The following CARMIL1 variants were observed in gnomAD, a reference collection of about 807,000 sequenced individuals.
CARMIL1 encodes the protein capping protein regulator and myosin 1 linker 1.
A neutral mutation model predicts 177.1 loss-of-function variants in CARMIL1; 90 were observed. That is an observed-to-expected ratio of 0.51 (90% CI 0.43 to 0.61). The LOEUF (loss-of-function observed/expected upper bound fraction) is 0.61, where lower values mean the gene tolerates loss of function less well. Ranked by LOEUF, CARMIL1 falls within the 20% of genes least tolerant of loss-of-function variation. The pLI, the probability that CARMIL1 is intolerant of heterozygous loss-of-function variation, is 0.00. For synonymous variants in CARMIL1, 577 were observed against 606.2 expected, an observed-to-expected ratio of 0.95 and a Z score of 0.71; for missense variants, 1,380 against 1,667.0, an observed-to-expected ratio of 0.83 and a Z score of 3.00.
At chr6:25,291,864 C>T (rs531305692) in intron 2 of CARMIL1, among the ~76,000 whole-genome samples, 9 of 152,298 alleles carry the variant, frequency 5.9e-5, no homozygotes, top group Non-Finnish European at 7.3e-5. Context: ...ACACATATCA[C>T]AGTTTTTAAA....
In CARMIL1 at chr6:25,606,283, T is replaced by C. The variant is rs1367419278; in HGVS notation, c.3847+10T>C. The C allele has an allele frequency of 1.9e-6, 3 of 1,611,228 alleles. No individual in the cohort carries two copies. Among genetic ancestry groups the C allele is most frequent in the Non-Finnish European group, 2.5e-6 (3 of 1,179,034 alleles). On this transcript the variant is annotated intron_variant, in intron 35 of 36. Coordinates refer to ENST00000329474, the MANE Select transcript of CARMIL1 (RefSeq NM_017640.6). ...ACCGCCTCACGGCCTGGTAAGAGTT[T>C]TGCAGTTAGGGAGTTGCATTGTGAC...
At chr6:25,333,870 T>G (rs1289443607) in intron 2 of CARMIL1, among the ~76,000 whole-genome samples, 1 of 152,226 alleles carries the variant, frequency 6.6e-6, no homozygotes, top group Non-Finnish European at 1.5e-5. Context: ...TTTCTTCTCC[T>G]AGTATTTTAA....
At chr6:25,334,729 C>T (rs1027087962) in intron 2 of CARMIL1, among the ~76,000 whole-genome samples, 1 of 152,018 alleles carries the variant, frequency 6.6e-6, no homozygotes, top group African/African-American at 2.4e-5. Flanking sequence ...TGAGATGAAC[C>T]TTTAACAGCA....
At chr6:25,442,622 A>C in intron 5 of CARMIL1, among the ~76,000 whole-genome samples, 1 of 150,164 alleles carries the variant, frequency 6.7e-6, no homozygotes, top group African/African-American at 2.5e-5. Context: ...GTTAGCATAG[A>C]TAAGAAACAG....
chr6:25,610,634 G>A (rs969358191), intron 36 of CARMIL1, among the ~76,000 whole-genome samples: 3 of 152,166 alleles, frequency 2.0e-5, no homozygotes, highest in African/African-American at 4.8e-5. Flanking sequence ...CACTGTGCTC[G>A]CTCAGTCACA....
chr6:25,531,811 C>G (rs1807786205), intron 24 of CARMIL1, among the ~76,000 whole-genome samples: 1 of 152,182 alleles, frequency 6.6e-6, no homozygotes, highest in African/African-American at 2.4e-5. Context: ...CACTCTGTCG[C>G]CCAGGCTGGA....
In CARMIL1 at chr6:25,490,698, AAAATAAATAAATAAAT is replaced by A. The variant is rs199709831; in HGVS notation, c.1066-994_1066-979del. ...GGGCGATAGAGCCAGACCCTGTCTT[AAAATAAATAAATAAAT>A]AAATAAATAAATAAATAAATAAATA... On this transcript the variant is annotated intron_variant, in intron 13 of 36. Coordinates refer to ENST00000329474, the MANE Select transcript of CARMIL1 (RefSeq NM_017640.6). Among the ~76,000 whole-genome samples the A allele has an allele frequency of 1.0e-3, 125 of 125,056 alleles. 2 individuals are homozygous for A. The highest frequency in any genetic ancestry group is 4.0e-3 in the Middle Eastern group (1 of 248). The allele number at this position is 125,056 out of a possible 152,430, so 82.0% of individuals were successfully genotyped here.
chr6:25,316,502 C>G (rs773215165), intron 2 of CARMIL1, among the ~76,000 whole-genome samples: 1 of 151,604 alleles, frequency 6.6e-6, no homozygotes, highest in Non-Finnish European at 1.5e-5. Context: ...ACCTCCATCT[C>G]GCGGGTTCAA....
intron 23 of CARMIL1, among the ~76,000 whole-genome samples, chr6:25,526,043 T>C (rs970147302): frequency 3.3e-5 from 5 of 151,856 alleles, no homozygotes; most frequent in East Asian, 3.9e-4. Context: ...GGCGTGGTGG[T>C]TAATGCCTGT....
intron 8 of CARMIL1, among the ~76,000 whole-genome samples, chr6:25,460,563 G>A (rs1004526923): frequency 7.9e-5 from 12 of 152,114 alleles, no homozygotes; most frequent in Non-Finnish European, 5.9e-5. Flanking sequence ...GTTTGCTGAA[G>A]TACTTCCTAG....
At chr6:25,302,108 C>G (rs1782902577) in intron 2 of CARMIL1, among the ~76,000 whole-genome samples, 1 of 152,102 alleles carries the variant, frequency 6.6e-6, no homozygotes, top group African/African-American at 2.4e-5. Flanking sequence ...TTCAGTAAGT[C>G]TAAAGAAGTT....
chr6:25,427,376 C>T (rs981754204), intron 4 of CARMIL1, among the ~76,000 whole-genome samples: 1 of 152,064 alleles, frequency 6.6e-6, no homozygotes, highest in African/African-American at 2.4e-5. Context: ...TACTTTGTTG[C>T]ATGTCTCAAT....
chr6:25,279,612 T>C lies in CARMIL1; in HGVS notation c.-184T>C, dbSNP rs1308628490. 7 of 16,168 alleles carry C rather than the reference T, an allele frequency of 4.3e-4. No homozygotes were observed. The South Asian group carries it at 0.038, about 89-fold the overall frequency. The allele number at this position is 16,168 out of a possible 1,614,324, so 1.0% of individuals were successfully genotyped here. ...CAAATCCGCCTCGCATTTGCAACTC[T>C]TTTTTTTTTTTTTGGTGGGGCGGGG... is the stretch of plus-strand genomic sequence containing the variant. On this transcript the variant is annotated 5_prime_UTR_variant, in exon 1 of 37. Transcript: ENST00000329474.
At chr6:25,409,488 A>G (rs1026408243) in intron 2 of CARMIL1, among the ~76,000 whole-genome samples, 4 of 152,182 alleles carry the variant, frequency 2.6e-5, no homozygotes, top group African/African-American at 9.7e-5. Flanking sequence ...TTCAAGCAAC[A>G]TGCCTAATAC....
chr6:25,618,263 T>G (rs909963970), intron 36 of CARMIL1, among the ~76,000 whole-genome samples: 2 of 151,846 alleles, frequency 1.3e-5, no homozygotes, highest in African/African-American at 4.8e-5. Context: ...AAGATAAGTT[T>G]TTTTTTTTTT....
chr6:25,608,220 T>C (rs1816171035), intron 35 of CARMIL1, among the ~76,000 whole-genome samples: 1 of 152,124 alleles, frequency 6.6e-6, no homozygotes, highest in Non-Finnish European at 1.5e-5. Context: ...CTTTTTACAG[T>C]CTCAGTTATT....
intron 29 of CARMIL1, among the ~76,000 whole-genome samples, chr6:25,561,735 C>G (rs1811137635): frequency 6.6e-6 from 1 of 152,090 alleles, no homozygotes; most frequent in Admixed American, 6.5e-5. Flanking sequence ...ACAGGGTCGC[C>G]AAGCACAGAC....
intron 23 of CARMIL1, among the ~76,000 whole-genome samples, chr6:25,527,934 G>A (rs1807325573): frequency 6.6e-6 from 1 of 152,120 alleles, no homozygotes; most frequent in African/African-American, 2.4e-5. Flanking sequence ...GTTAAGTGAT[G>A]TTATTAAAAA....
At chr6:25,436,781 C>T (rs1291505654) in intron 5 of CARMIL1, among the ~76,000 whole-genome samples, 1 of 152,190 alleles carries the variant, frequency 6.6e-6, no homozygotes, top group African/African-American at 2.4e-5. Context: ...TCTTGTGGTT[C>T]TCTGATTATC....
Sources: gnomAD v4.1 joint callset for allele counts (sites outside exome capture counted in the v4.1 genomes callset) on GRCh38, gnomAD v4.1.1 for gene constraint, MANE v1.5 for transcripts, NCBI Gene and HGNC (gene_info 2026-07-23, HGNC 2026-07-21) for gene names.